The following NUMA1 variants were observed in gnomAD, a reference collection of about 807,000 sequenced individuals.
NUMA1 encodes SP-H antigen.
NUMA1 carries 62 observed loss-of-function variants against 237.1 expected under a neutral mutation model. The ratio of observed to expected loss-of-function variants is 0.26; its 90% CI spans 0.21 to 0.32. NUMA1 has a LOEUF of 0.32. NUMA1 is among the 10% of genes least tolerant of loss of function. NUMA1 has a pLI of 1.00. For synonymous variants in NUMA1, 1,028 were observed against 1,066.1 expected (o/e 0.96, Z 0.70); for missense variants, 2,533 against 2,666.5 (o/e 0.95, Z 1.10).
chr11:72,045,566 C>T (rs1941948892), intron 2 of NUMA1, among the ~76,000 whole-genome samples: 1 of 152,192 alleles, frequency 6.6e-6, no homozygotes, highest in East Asian at 1.9e-4. Flanking sequence ...GCAGCCTCAG[C>T]CTCCTGGGCT....
At chr11:72,037,972 CA>C (rs1941238567) in intron 2 of NUMA1, among the ~76,000 whole-genome samples, 1 of 152,166 alleles carries the variant, frequency 6.6e-6, no homozygotes, top group Non-Finnish European at 1.5e-5. Flanking sequence ...CTGTGGCTGA[CA>C]AGACTAAAGC....
At position 72,018,830 on chromosome 11, in the gene NUMA1, G is replaced by T. The variant is rs771354062; in HGVS notation, c.735C>A (p.Thr245=). 1.2e-6 allele frequency: 2 copies of T among 1,609,566 alleles called. No individual in the cohort carries two copies. The highest frequency in any genetic ancestry group is 8.5e-7 in the Non-Finnish European group (1 of 1,179,722). ...LELAENRKLL[T]EKDAQIAMMQ... ...AGTGTGCCAGCCACCTACCCTTCTC[G>T]GTGAGGAGCTTGCGGTTCTCAGCTA... The change falls in exon 10 of 27, where the codon ACC becomes ACA. Residue 245 remains threonine, a synonymous_variant. Transcript: ENST00000393695.
rs946165797 is a variant in NUMA1 at position 72,004,754 on chromosome 11, G to A, written c.5892C>T (p.Thr1964=). 1 of 1,608,200 alleles carries A rather than the reference G, an allele frequency of 6.2e-7. No individual in the cohort carries two copies. Among genetic ancestry groups the A allele is most frequent in the South Asian group, 1.1e-5 (1 of 90,290 alleles). Residue 1964 remains threonine, a synonymous_variant, in exon 24 of 27, where the codon ACC becomes ACT. Coordinates refer to ENST00000393695, the MANE Select transcript of NUMA1 (RefSeq NM_006185.4). Reference sequence around the variant, plus strand: ...TTGGCTGCATGCTGGCTCGGCGCAGGGTCTCTTGGGGGTCTCCAGTTTTCA... The same window carrying A: ...TTGGCTGCATGCTGGCTCGGCGCAGAGTCTCTTGGGGGTCTCCAGTTTTCA... ...EEMKTGDPQE[T]LRRASMQPIQ... is the part of the protein sequence containing the mutation.
chr11:72,048,155 G>A (rs1942107461), intron 2 of NUMA1, among the ~76,000 whole-genome samples: 1 of 152,092 alleles, frequency 6.6e-6, no homozygotes, highest in African/African-American at 2.4e-5. Flanking sequence ...GGGGTGCAGT[G>A]CTGCGATCTC....
At chr11:72,069,181 A>T (rs768298780) in intron 2 of NUMA1, among the ~76,000 whole-genome samples, 3 of 152,238 alleles carry the variant, frequency 2.0e-5, no homozygotes, top group Non-Finnish European at 4.4e-5. Flanking sequence ...CATTTGTTCA[A>T]CTATTATATC....
Position 72,010,772 on chromosome 11 carries a change from C to G in NUMA1, c.4719+14G>C, listed in dbSNP as rs1378812196. The G allele has an allele frequency of 6.2e-7, 1 of 1,612,474 alleles. No individual in the cohort carries two copies. The highest frequency in any genetic ancestry group is 8.5e-7 in the Non-Finnish European group (1 of 1,179,706). On this transcript the variant is annotated intron_variant, in intron 17 of 26. Transcript: ENST00000393695. ...CTTGTCCAGAGGCCAGACCCATTCC[C>G]CCAGCTGCCCCACCTTCAGCTTCTG... is the stretch of plus-strand genomic sequence containing the variant.
At chr11:72,063,147 G>A (rs1230978152) in intron 2 of NUMA1, among the ~76,000 whole-genome samples, 1 of 152,208 alleles carries the variant, frequency 6.6e-6, no homozygotes, top group Non-Finnish European at 1.5e-5. Context: ...ACTTTGGGAG[G>A]CTGAGGTGAA....
intron 2 of NUMA1, among the ~76,000 whole-genome samples, chr11:72,061,262 C>G (rs1330229780): frequency 6.6e-6 from 1 of 152,072 alleles, no homozygotes; most frequent in Non-Finnish European, 1.5e-5. Context: ...AAAAGCTTCT[C>G]AGTGGGGATT....
At chr11:72,045,724 C>T (rs1941957226) in intron 2 of NUMA1, among the ~76,000 whole-genome samples, 1 of 152,184 alleles carries the variant, frequency 6.6e-6, no homozygotes, top group South Asian at 2.1e-4. Flanking sequence ...AAGCGATCTG[C>T]CTGCTTCAGC....
intron 2 of NUMA1, among the ~76,000 whole-genome samples, chr11:72,043,550 G>A (rs1364483093): frequency 8.1e-5 from 7 of 86,634 alleles, no homozygotes; most frequent in Admixed American, 2.5e-4. Context: ...TTTTTTTTCT[G>A]TAGAGACAGG....
At position 72,024,337 on chromosome 11, in the gene NUMA1, C is replaced by T. The variant is rs754077126; in HGVS notation, c.145G>A (p.Gly49Arg). Residue 49 changes from glycine to arginine, a missense_variant, in exon 5 of 27, where the codon GGA becomes AGA. Gly to Arg is a moderately radical substitution (Grantham distance 125). Around this residue, in one of 3 missense-constraint regions of NUMA1, gnomAD observed 1,414 missense variants for 1,508.1 expected, o/e 0.94. Transcript: ENST00000393695. ...IIDRIHGTEE[G>R]QQILKQPVSE... is the part of the protein sequence containing the mutation. ...ACCGGCTGCTTCAAGATTTGCTGTC[C>T]CTCTTCAGTGCCATGGCTAGAAAAA... The T allele has an allele frequency of 3.1e-6, 5 of 1,614,156 alleles. No homozygotes were observed. The South Asian group carries it at 5.5e-5, about 18-fold the overall frequency.
intron 2 of NUMA1, chr11:72,049,491 T>G (rs572722407): frequency 6.9e-6 from 1 of 145,492 alleles, no homozygotes; most frequent in African/African-American, 2.5e-5. Flanking sequence ...GGAGGATCAC[T>G]TGAGCCAAGG....
chr11:72,031,795 C>T (rs1940358937), intron 3 of NUMA1, among the ~76,000 whole-genome samples: 1 of 151,556 alleles, frequency 6.6e-6, no homozygotes. Context: ...GCCTGGCCAA[C>T]GGATTGAGAC....
chr11:72,072,644 C>T (rs1050365848), intron 1 of NUMA1, among the ~76,000 whole-genome samples: 24 of 152,132 alleles, frequency 1.6e-4, no homozygotes, highest in African/African-American at 5.6e-4. Context: ...CCCTTATTAC[C>T]GCGACTGATT....
chr11:72,063,502 ATCT>A (rs939883687), intron 2 of NUMA1, among the ~76,000 whole-genome samples: 1 of 151,578 alleles, frequency 6.6e-6, no homozygotes, highest in African/African-American at 2.4e-5. Context: ...AAGACCAGCA[ATCT>A]TCTCGCCTCA....
intron 2 of NUMA1, among the ~76,000 whole-genome samples, chr11:72,058,503 G>C (rs1942782650): frequency 6.6e-6 from 1 of 152,144 alleles, no homozygotes. Flanking sequence ...TTTCTATTGA[G>C]GGAATGGCTA....
chr11:72,079,209 G>C (rs116829094), intron 1 of NUMA1, among the ~76,000 whole-genome samples: 1 of 152,130 alleles, frequency 6.6e-6, no homozygotes, highest in African/African-American at 2.4e-5. Context: ...AAAGTCTCTC[G>C]TTATCTAGAA....
chr11:72,066,964 T>C (rs1381798137), intron 2 of NUMA1: 1 of 152,218 alleles, frequency 6.6e-6, no homozygotes, highest in Non-Finnish European at 1.5e-5. Flanking sequence ...TTGCAAGTTA[T>C]ACATATAGCA....
chr11:72,023,071 C>T lies in NUMA1; in HGVS notation c.285G>A (p.Leu95=), dbSNP rs113315375. ...TCTGGTATTCCATAGGTACCTTCGCCAGTTCCAGCTCTGATCCCTCTAGCA... is the reference window on the plus strand; with the variant it reads ...TCTGGTATTCCATAGGTACCTTCGCTAGTTCCAGCTCTGATCCCTCTAGCA... ...QKVLEGSELE[L]AKMTMLLLYH... The change falls in exon 6 of 27, where the codon CTG becomes CTA. Residue 95 remains leucine (L), a synonymous_variant. Transcript: ENST00000393695. The T allele has an allele frequency of 7.4e-6, 12 of 1,613,292 alleles. No homozygotes were observed. Among genetic ancestry groups the T allele is most frequent in the Non-Finnish European group, 9.3e-6 (11 of 1,179,318 alleles).
Sources: allele counts gnomAD v4.1 joint callset (sites outside exome capture counted in the v4.1 genomes callset), GRCh38; gene constraint gnomAD v4.1.1; regional missense constraint gnomAD v4.1.1; transcripts MANE v1.5; gene names NCBI Gene and HGNC (gene_info 2026-07-23, HGNC 2026-07-21).